Variants in RASGRP3 observed in about 807,000 individuals in gnomAD.
RASGRP3 encodes the protein RAS guanyl releasing protein 3.
Under a neutral mutation model 82.7 loss-of-function variants are expected in RASGRP3, and 54 were observed. The ratio of observed to expected loss-of-function variants is 0.65; its 90% CI spans 0.52 to 0.82. The LOEUF (loss-of-function observed/expected upper bound fraction) is 0.82. Ranked by LOEUF, RASGRP3 falls within the 40% of genes least tolerant of loss-of-function variation. RASGRP3 has a pLI of 0.00. For missense variants in RASGRP3, 861 were observed against 828.9 expected (o/e 1.04, Z -0.48); for synonymous variants, 309 against 300.5 (o/e 1.03, Z -0.29).
At position 33,460,112 on chromosome 2, in the gene RASGRP3, G is replaced by A. The variant is rs560011870; in HGVS notation, c.-261+12169G>A. Among the ~76,000 whole-genome samples the A allele has an allele frequency of 2.0e-4, 30 of 152,310 alleles. 1 individual carries two copies. In the South Asian group the frequency reaches 5.4e-3, roughly 27 times the overall value. On this transcript the variant is annotated intron_variant, in intron 2 of 18. Coordinates refer to the RASGRP3 transcript ENST00000402538. ...GTACCAGGATGTTTAGTGCAACACT[G>A]TTCATAGAAGTAAAAACTGGGAACA...
At chr2:33,549,454 G>A (rs977579429) in intron 13 of RASGRP3, 150 bp from the exon 14 acceptor site, 27 of 755,160 alleles carry the variant, frequency 3.6e-5, no homozygotes, top group Admixed American at 2.9e-5. Context: ...GCCTTTTGAG[G>A]TTTGCTCCTT....
At chr2:33,510,717 G>A (rs1051378295) in intron 1 of RASGRP3, among the ~76,000 whole-genome samples, 11 of 152,142 alleles carry the variant, frequency 7.2e-5, no homozygotes, top group Non-Finnish European at 1.6e-4. Context: ...CACTTTATGT[G>A]ACCTCACTAA....
chr2:33,470,135 C>T (rs1364824489), intron 2 of RASGRP3, among the ~76,000 whole-genome samples: 4 of 151,880 alleles, frequency 2.6e-5, no homozygotes, highest in Non-Finnish European at 5.9e-5. Flanking sequence ...GATTTTTGAC[C>T]TGTTTGAAAA....
At chr2:33,505,274 C>A (rs1233011368) in intron 1 of RASGRP3, among the ~76,000 whole-genome samples, 1 of 151,656 alleles carries the variant, frequency 6.6e-6, no homozygotes, top group African/African-American at 2.4e-5. Flanking sequence ...CCAGGTACTT[C>A]CAGAGCATTA....
At chr2:33,445,333 A>G (rs1665444221) in intron 1 of RASGRP3, among the ~76,000 whole-genome samples, 1 of 152,216 alleles carries the variant, frequency 6.6e-6, no homozygotes, top group Non-Finnish European at 1.5e-5. Flanking sequence ...TGGAATGATC[A>G]CATTTTTGGT....
rs139344051 is a variant in RASGRP3 at position 33,480,318 on chromosome 2, C to T, written c.-261+3611C>T. On this transcript the variant is annotated intron_variant, in intron 1 of 17. Transcript: ENST00000403687. ...TCGGCCTCCCAAAGTGCTGGGATTA[C>T]AGGCGTGAGCCACTGCGCCCAGCCC... 6.9e-3 allele frequency among the ~76,000 whole-genome samples: 1,054 copies of T among 152,308 alleles called. 7 individuals are homozygous for T. The highest frequency in any genetic ancestry group is 0.017 in the Middle Eastern group (5 of 294).
At chr2:33,479,717 A>C (rs1003306402) in intron 1 of RASGRP3, among the ~76,000 whole-genome samples, 1 of 152,094 alleles carries the variant, frequency 6.6e-6, no homozygotes, top group Non-Finnish European at 1.5e-5. Flanking sequence ...TGACTGTCTC[A>C]CGGGTGGGCC....
chr2:33,483,157 G>C (rs1356201230), intron 1 of RASGRP3, among the ~76,000 whole-genome samples: 1 of 152,134 alleles, frequency 6.6e-6, no homozygotes, highest in Non-Finnish European at 1.5e-5. Flanking sequence ...TCAACTCAAT[G>C]TATAAATGAT....
At chr2:33,548,231 G>C (rs1005452916) in intron 13 of RASGRP3, among the ~76,000 whole-genome samples, 2 of 151,700 alleles carry the variant, frequency 1.3e-5, no homozygotes. Flanking sequence ...CGCAGTGGCG[G>C]GCGCCTGTAG....
At chr2:33,454,543 A>G (rs918317013) in intron 2 of RASGRP3, among the ~76,000 whole-genome samples, 3 of 152,230 alleles carry the variant, frequency 2.0e-5, no homozygotes, top group Admixed American at 6.5e-5. Flanking sequence ...TTCCAGCTGA[A>G]GACGGGCTTA....
chr2:33,467,980 T>TTTTCTTTCTTTCTTTCTTTC (rs60989460), intron 2 of RASGRP3, among the ~76,000 whole-genome samples: 10 of 116,412 alleles, frequency 8.6e-5, no homozygotes, highest in South Asian at 6.8e-4. Context: ...TGGTGAGGCT[T>TTTTCTTTCTTTCTTTCTTTC]TTTCTTTCTT....
intron 7 of RASGRP3, among the ~76,000 whole-genome samples, chr2:33,523,408 T>G (rs943914510): frequency 6.7e-6 from 1 of 150,036 alleles, no homozygotes; most frequent in Non-Finnish European, 1.5e-5. Context: ...GAGATTGCAG[T>G]GAGCCGAGAT....
rs78751118 is a variant in RASGRP3, at chr2:33,478,833, T to C, written c.-261+2126T>C. Reference sequence around the variant, plus strand: ...CAACGCTAATAACAATCCCTTACTTTTATTGTGCACTTACTCTGCCAAATG... The same window carrying C: ...CAACGCTAATAACAATCCCTTACTTCTATTGTGCACTTACTCTGCCAAATG... On this transcript the variant is annotated intron_variant, in intron 1 of 17. Coordinates refer to ENST00000403687, the MANE Select transcript of RASGRP3 (RefSeq NM_001139488.2). 5.0e-3 allele frequency among the ~76,000 whole-genome samples: 758 copies of C among 152,352 alleles called. 6 individuals carry two copies. Among genetic ancestry groups the C allele is most frequent in the Admixed American group, 8.9e-3 (136 of 15,308 alleles).
At chr2:33,540,291 G>C (rs1674125606) in intron 12 of RASGRP3, 1 of 131,118 alleles carries the variant, frequency 7.6e-6, no homozygotes, top group Non-Finnish European at 1.8e-5. Context: ...GTGGTGCCAA[G>C]AGGAATATTA....
chr2:33,548,931 C>T (rs573662443), intron 13 of RASGRP3, among the ~76,000 whole-genome samples: 2 of 152,058 alleles, frequency 1.3e-5, no homozygotes, highest in Non-Finnish European at 2.9e-5. Context: ...TCAAGTGATC[C>T]GCCCACCTTG....
chr2:33,475,758 C>G (rs923849545), upstream of RASGRP3, among the ~76,000 whole-genome samples: 1 of 152,186 alleles, frequency 6.6e-6, no homozygotes, highest in East Asian at 1.9e-4. Context: ...ATGAATTCAA[C>G]AAAACATCAG....
chr2:33,443,109 C>G (rs1275834321), intron 1 of RASGRP3, among the ~76,000 whole-genome samples: 1 of 152,122 alleles, frequency 6.6e-6, no homozygotes, highest in African/African-American at 2.4e-5. Flanking sequence ...TGAATAACTC[C>G]CTGTTGCCCA....
intron 12 of RASGRP3, among the ~76,000 whole-genome samples, chr2:33,541,538 A>T (rs549115067): frequency 5.4e-5 from 8 of 147,232 alleles, no homozygotes; most frequent in African/African-American, 1.9e-4. Flanking sequence ...CTGTTGTCTC[A>T]TACCCTAGAA....
intron 1 of RASGRP3, among the ~76,000 whole-genome samples, chr2:33,499,779 G>GA (rs1669689367): frequency 1.3e-5 from 2 of 150,060 alleles, no homozygotes; most frequent in African/African-American, 5.0e-5. Flanking sequence ...AAAAAAGAGA[G>GA]GATAAGATTA....
Sources: allele counts gnomAD v4.1 joint callset (sites outside exome capture counted in the v4.1 genomes callset), GRCh38; gene constraint gnomAD v4.1.1; transcripts MANE v1.5; gene names NCBI Gene and HGNC (gene_info 2026-07-23, HGNC 2026-07-21).